The following GRIN2A variants were observed in gnomAD, a reference collection of about 807,000 sequenced individuals.
GRIN2A encodes the protein glutamate receptor ionotropic, NMDA 2A.
GRIN2A carries 22 observed loss-of-function variants against 113.4 expected under a neutral mutation model. The observed-to-expected ratio is 0.19, with a 90% CI of 0.14 to 0.28. The LOEUF (loss-of-function observed/expected upper bound fraction) is 0.28. Ranked by LOEUF, GRIN2A falls within the 10% of genes least tolerant of loss-of-function variation. The pLI is 1.00. For missense variants in GRIN2A, 1,502 were observed against 1,887.0 expected (o/e 0.80, Z 3.78); for synonymous variants, 827 against 738.4 (o/e 1.12, Z -1.94).
chr16:9,792,591 T>C (rs1319970572), intron 11 of GRIN2A, among the ~76,000 whole-genome samples: 2 of 152,184 alleles, frequency 1.3e-5, no homozygotes, highest in African/African-American at 4.8e-5. Context: ...CTATTATATA[T>C]ACCTAAATAT....
intron 2 of GRIN2A, among the ~76,000 whole-genome samples, chr16:9,939,837 G>A (rs962131291): frequency 4.6e-5 from 7 of 152,042 alleles, no homozygotes; most frequent in African/African-American, 1.7e-4. Flanking sequence ...CTAAACAGAA[G>A]GTATGCCTCT....
intron 10 of GRIN2A, among the ~76,000 whole-genome samples, chr16:9,799,319 G>A (rs1041596331): frequency 6.6e-5 from 10 of 152,264 alleles, no homozygotes; most frequent in Non-Finnish European, 1.2e-4. Context: ...CAGGGAGAAC[G>A]CCATATGAAG....
chr16:10,116,865 C>T (rs1243759052), intron 2 of GRIN2A, among the ~76,000 whole-genome samples: 3 of 152,112 alleles, frequency 2.0e-5, no homozygotes, highest in Admixed American at 6.6e-5. Flanking sequence ...TTCAGGTCTG[C>T]CATATGCAGG....
intron 2 of GRIN2A, among the ~76,000 whole-genome samples, chr16:9,962,589 C>T (rs1476419138): frequency 4.0e-5 from 6 of 151,848 alleles, no homozygotes; most frequent in East Asian, 1.9e-4. Context: ...GTTAGAATGG[C>T]GATCATTAAA....
intron 2 of GRIN2A, among the ~76,000 whole-genome samples, chr16:9,994,550 C>G (rs1211810508): frequency 6.6e-6 from 1 of 152,062 alleles, no homozygotes; most frequent in Non-Finnish European, 1.5e-5. Flanking sequence ...GGAAACTGGA[C>G]AGTTGGTTCA....
Position 9,762,010 on chromosome 16 carries a change from G to C in GRIN2A, c.*1139C>G, listed in dbSNP as rs1900605780. 5.0e-6 allele frequency: 1 copy of C among 199,416 alleles called. No individual in the cohort carries two copies. The highest frequency in any genetic ancestry group is 1.7e-3 in the Middle Eastern group (1 of 590). 12.4% of individuals were successfully genotyped at this position (199,416 alleles called of 1,614,324 possible). A position where few individuals can be genotyped will look rare whatever the true frequency, so the allele number is the denominator to read the frequency against. ...TTGGGGTGGAAGTGAGTGTCCAACAGAATTTCTGGATGTGAAGGAAGATAA... is the reference window on the plus strand; with the variant it reads ...TTGGGGTGGAAGTGAGTGTCCAACACAATTTCTGGATGTGAAGGAAGATAA... On this transcript the variant is annotated 3_prime_UTR_variant, in exon 13 of 13. Coordinates refer to ENST00000330684, the MANE Select transcript of GRIN2A (RefSeq NM_001134407.3).
At chr16:10,154,654 T>C (rs2142304747) in intron 2 of GRIN2A, among the ~76,000 whole-genome samples, 1 of 152,132 alleles carries the variant, frequency 6.6e-6, no homozygotes, top group Non-Finnish European at 1.5e-5. Flanking sequence ...GGAAGCTAAA[T>C]CAACAAATAA....
At chr16:9,902,959 T>TTGGGGGGGG (rs1491446907) in intron 3 of GRIN2A, among the ~76,000 whole-genome samples, 1 of 24,832 alleles carries the variant, frequency 4.0e-5, no homozygotes, top group Non-Finnish European at 6.6e-5. Flanking sequence ...TTTTTTTTTT[T>TTGGGGGGGG]GGCGGGGGGG....
chr16:9,897,758 T>C (rs2043835393), intron 3 of GRIN2A, among the ~76,000 whole-genome samples: 1 of 152,198 alleles, frequency 6.6e-6, no homozygotes. Context: ...TTGCATTATA[T>C]TTCTAATGAA....
rs868492773 is a variant in GRIN2A at position 9,763,333 on chromosome 16, G to A, written c.4211C>T (p.Ser1404Phe). 6.2e-7 allele frequency: 1 copy of A among 1,614,132 alleles called. No homozygotes were observed. The highest frequency in any genetic ancestry group is 8.5e-7 in the Non-Finnish European group (1 of 1,180,018). Reference sequence around the variant, plus strand: ...ACAGTACGATGCCGTTGACCTCAAGGACGACCGAAGATAGCTGTCATTCAC... The same window carrying A: ...ACAGTACGATGCCGTTGACCTCAAGAACGACCGAAGATAGCTGTCATTCAC... ...QAVNDSYLRS[S>F]LRSTASYCSR... Residue 1404 changes from serine to phenylalanine, a missense_variant, in exon 13 of 13, where the codon TCC becomes TTC. Physicochemically the swap from Ser to Phe is radical, Grantham distance 155. Coordinates refer to ENST00000330684, the MANE Select transcript of GRIN2A (RefSeq NM_001134407.3).
intron 11 of GRIN2A, among the ~76,000 whole-genome samples, chr16:9,770,364 A>T (rs1039220171): frequency 1.3e-5 from 2 of 152,230 alleles, no homozygotes; most frequent in Non-Finnish European, 2.9e-5. Flanking sequence ...AAGTCAATCA[A>T]AATGATTTAA....
chr16:10,128,957 T>C (rs1567319503), intron 2 of GRIN2A, among the ~76,000 whole-genome samples: 1 of 152,244 alleles, frequency 6.6e-6, no homozygotes, highest in Admixed American at 6.5e-5. Flanking sequence ...TGCACGAGTG[T>C]GTCTGTGCAT....
At chr16:9,990,393 G>A (rs34628263) in intron 2 of GRIN2A, among the ~76,000 whole-genome samples, 3,763 of 152,172 alleles carry the variant, frequency 0.025, 60 homozygotes, top group Middle Eastern at 0.079. Context: ...GGAGGAGGGA[G>A]GGAGGGGGTC....
intron 11 of GRIN2A, among the ~76,000 whole-genome samples, chr16:9,783,296 G>A (rs1297427073): frequency 1.3e-5 from 2 of 152,228 alleles, no homozygotes. Flanking sequence ...AATCAGGATA[G>A]CCATTGCGTC....
At chr16:9,971,250 G>A (rs567993315) in intron 2 of GRIN2A, among the ~76,000 whole-genome samples, 7 of 152,324 alleles carry the variant, frequency 4.6e-5, no homozygotes, top group Admixed American at 1.3e-4. Flanking sequence ...TAAAACAGAA[G>A]CTTCCACTTC....
intron 3 of GRIN2A, among the ~76,000 whole-genome samples, chr16:9,926,951 A>G (rs1374468409): frequency 5.3e-5 from 8 of 152,048 alleles, no homozygotes; most frequent in African/African-American, 1.9e-4. Flanking sequence ...CATGCACACA[A>G]CACAGGTCAA....
rs539139300 is a variant in GRIN2A, at chr16:9,937,835, G to GT, written c.1007+123dup. On this transcript the variant is annotated intron_variant, in intron 3 of 12. Transcript: ENST00000330684. Reference sequence around the variant, plus strand: ...GAGAGGAGAGCAAAATAAAAGTCCCGTAAGTAAACACATAACATTCTGCAT... The same window carrying GT: ...GAGAGGAGAGCAAAATAAAAGTCCCGTTAAGTAAACACATAACATTCTGCAT... 2.7e-4 allele frequency: 199 copies of GT among 726,384 alleles called. 2 individuals carry two copies. In the South Asian group the frequency reaches 2.9e-3, roughly 10 times the overall value. 45.0% of individuals were successfully genotyped at this position (726,384 alleles called of 1,614,324 possible).
chr16:9,916,241 C>T (rs141196273), intron 3 of GRIN2A, among the ~76,000 whole-genome samples: 1 of 152,254 alleles, frequency 6.6e-6, no homozygotes, highest in African/African-American at 2.4e-5. Context: ...TTAATTATGT[C>T]TAATTAGGAG....
chr16:9,782,461 G>A (rs950330685), intron 11 of GRIN2A, among the ~76,000 whole-genome samples: 25 of 152,256 alleles, frequency 1.6e-4, no homozygotes, highest in African/African-American at 5.8e-4. Flanking sequence ...AAATTAAAGT[G>A]TTTAAAAAAT....
Sources: gnomAD v4.1 joint callset for allele counts (sites outside exome capture counted in the v4.1 genomes callset) on GRCh38, gnomAD v4.1.1 for gene constraint, MANE v1.5 for transcripts, NCBI Gene and HGNC (gene_info 2026-07-23, HGNC 2026-07-21) for gene names.